Variants in MEGF9 observed in about 807,000 individuals in gnomAD.
The protein encoded by MEGF9 is multiple EGF like domains 9, also known as multiple epidermal growth factor-like domains protein 9.
MEGF9 carries 6 observed loss-of-function variants against 46.8 expected under a neutral mutation model. That is an observed-to-expected ratio of 0.13 (90% CI 0.07 to 0.25). The LOEUF (loss-of-function observed/expected upper bound fraction) is 0.25. Ranked by LOEUF, MEGF9 falls within the 10% of genes least tolerant of loss-of-function variation. The pLI is 1.00. For synonymous variants in MEGF9, 302 were observed against 330.7 expected, an observed-to-expected ratio of 0.91 and a Z score of 0.94; for missense variants, 683 against 792.4, an observed-to-expected ratio of 0.86 and a Z score of 1.66.
intron 2 of MEGF9, among the ~76,000 whole-genome samples, chr9:120,644,573 G>A (rs926937305): frequency 9.9e-5 from 15 of 152,208 alleles, no homozygotes; most frequent in Non-Finnish European, 2.9e-5. Context: ...AGGATAGTCA[G>A]ACAGATATTA....
At chr9:120,649,236 A>G (rs1389777731) in intron 2 of MEGF9, among the ~76,000 whole-genome samples, 1 of 152,216 alleles carries the variant, frequency 6.6e-6, no homozygotes, top group Non-Finnish European at 1.5e-5. Context: ...TGTGGAACTC[A>G]CAGATAAGGA....
chr9:120,634,432 T>C (rs1425451194), intron 2 of MEGF9, among the ~76,000 whole-genome samples: 2 of 147,642 alleles, frequency 1.4e-5, no homozygotes, highest in South Asian at 4.3e-4. Flanking sequence ...TTGGTTTCCA[T>C]ATGTGTGGAA....
rs560243475 is a variant in MEGF9 at position 120,705,918 on chromosome 9, T to TA, written c.601+7839dup. Among the ~76,000 whole-genome samples, 79 of 151,232 alleles carry TA rather than the reference T, an allele frequency of 5.2e-4. No homozygotes were observed. The East Asian group carries it at 0.01, about 20-fold the overall frequency. The stretch of plus-strand genomic sequence containing the variant: ...CTAATAAGGATTTTTATATCACACC[T>TA]AAAAAAAACCACACAAAAATCAAGA... On this transcript the variant is annotated intron_variant, in intron 1 of 5. Coordinates refer to ENST00000373930, the MANE Select transcript of MEGF9 (RefSeq NM_001080497.3).
intron 1 of MEGF9, among the ~76,000 whole-genome samples, chr9:120,675,874 C>T (rs150424864): frequency 0.027 from 3,027 of 110,480 alleles, 128 homozygotes; most frequent in African/African-American, 0.098. Context: ...GCCGACAGAG[C>T]GAGACTCCAT....
At chr9:120,652,816 CTTA>C (rs2043659621) in intron 2 of MEGF9, among the ~76,000 whole-genome samples, 2 of 152,038 alleles carry the variant, frequency 1.3e-5, no homozygotes, top group Admixed American at 6.6e-5. Flanking sequence ...CTATAGTCAC[CTTA>C]TTGTGTTACC....
chr9:120,624,402 A>AT (rs1488369849), intron 2 of MEGF9, among the ~76,000 whole-genome samples: 1 of 151,860 alleles, frequency 6.6e-6, no homozygotes, highest in Non-Finnish European at 1.5e-5. Context: ...TAATTTTTGT[A>AT]TTTTTTGTGG....
intron 2 of MEGF9, among the ~76,000 whole-genome samples, chr9:120,637,154 G>C (rs1342353098): frequency 6.6e-6 from 1 of 152,172 alleles, no homozygotes; most frequent in Non-Finnish European, 1.5e-5. Flanking sequence ...AACATGTGCT[G>C]TGTCAACTCA....
intron 1 of MEGF9, among the ~76,000 whole-genome samples, chr9:120,664,182 A>G (rs906718862): frequency 1.3e-5 from 2 of 151,996 alleles, no homozygotes; most frequent in Non-Finnish European, 2.9e-5. Context: ...CATACTGAAG[A>G]CCTTTTCTAG....
At chr9:120,675,034 A>G (rs1229368143) in intron 1 of MEGF9, among the ~76,000 whole-genome samples, 3 of 152,120 alleles carry the variant, frequency 2.0e-5, no homozygotes, top group East Asian at 3.9e-4. Context: ...ACCAGCCATC[A>G]TGTCTGGCTA....
rs776430532 is a variant in MEGF9 at position 120,659,591 on chromosome 9, G to A, written c.602-16C>T. On this transcript the variant is annotated splice_polypyrimidine_tract_variant and intron_variant, in intron 1 of 5. Transcript: ENST00000373930. Reference sequence around the variant, plus strand: ...CATACATACTCTGCAAAGGAAAGAAGGAAAGAGACATTACCAACTAAGATT... The same window carrying A: ...CATACATACTCTGCAAAGGAAAGAAAGAAAGAGACATTACCAACTAAGATT... The A allele has an allele frequency of 5.2e-5, 81 of 1,569,018 alleles. No homozygotes were observed. The highest frequency in any genetic ancestry group is 1.4e-5 in the African/African-American group (1 of 73,344).
At position 120,714,004 on chromosome 9, in the gene MEGF9, G is replaced by C; in HGVS notation, c.355C>G (p.Pro119Ala). 1 of 1,385,410 alleles carries C rather than the reference G, an allele frequency of 7.2e-7. No individual in the cohort carries two copies. The highest frequency in any genetic ancestry group is 9.4e-7 in the Non-Finnish European group (1 of 1,064,818). The allele number at this position is 1,385,410 out of a possible 1,614,324, so 85.8% of individuals were successfully genotyped here. The change falls in exon 1 of 6, where the codon CCG becomes GCG. Residue 119 changes from proline (P) to alanine (A), a missense_variant. Physicochemically the swap from Pro to Ala is conservative, Grantham distance 27 (BLOSUM62 -1). Transcript: ENST00000373930. ...AGPSSTTFQAPLGPSPTTPPA... is the reference protein window; with the variant it reads ...AGPSSTTFQAALGPSPTTPPA... ...GGGGTGGTCGGCGAGGGGCCGAGCGGCGCCTGAAAGGTGGTGGAAGAGGGT... is the reference window on the plus strand; with the variant it reads ...GGGGTGGTCGGCGAGGGGCCGAGCGCCGCCTGAAAGGTGGTGGAAGAGGGT...
chr9:120,656,878 T>C (rs993403426), intron 2 of MEGF9, among the ~76,000 whole-genome samples: 2 of 151,608 alleles, frequency 1.3e-5, no homozygotes, highest in Admixed American at 6.6e-5. Flanking sequence ...AGCCCAGGAG[T>C]TCAAGACCAG....
intron 5 of MEGF9, among the ~76,000 whole-genome samples, chr9:120,606,954 G>T (rs1253635693): frequency 6.6e-6 from 1 of 152,124 alleles, no homozygotes; most frequent in Non-Finnish European, 1.5e-5. Context: ...ATAGGTAAGA[G>T]AACTGAGTAG....
At chr9:120,669,905 G>C (rs1587990378) in intron 1 of MEGF9, among the ~76,000 whole-genome samples, 1 of 152,100 alleles carries the variant, frequency 6.6e-6, no homozygotes, top group East Asian at 1.9e-4. Flanking sequence ...GGGAAGATTA[G>C]GAATTAGAGT....
At chr9:120,691,210 GATCA>G (rs1486015449) in intron 1 of MEGF9, among the ~76,000 whole-genome samples, 3 of 151,984 alleles carry the variant, frequency 2.0e-5, no homozygotes, top group Admixed American at 1.3e-4. Context: ...CTCAAAAAAT[GATCA>G]ATCAATCAAT....
At chr9:120,614,685 G>A (rs753079264) in intron 3 of MEGF9, among the ~76,000 whole-genome samples, 7 of 151,880 alleles carry the variant, frequency 4.6e-5, no homozygotes, top group Admixed American at 6.6e-5. Flanking sequence ...CCTGCATTAT[G>A]TGTGAAATCT....
In MEGF9 at chr9:120,605,498, T is replaced by C. The variant is rs1168670638; in HGVS notation, c.1501A>G (p.Ser501Gly). ...TIFSVSTSENSTSALADVSWT... is the reference protein window; with the variant it reads ...TIFSVSTSENGTSALADVSWT... ...GATACATCAGCTAAAGCTGAAGTGC[T>C]GTTTTCAGAAGTGCTTACTGAAAAG... The change falls in exon 6 of 6, where the codon AGC becomes GGC. Residue 501 changes from serine to glycine, a missense_variant. Coordinates refer to ENST00000373930, the MANE Select transcript of MEGF9 (RefSeq NM_001080497.3). The surrounding 1 kb of genome is among the most constrained non-coding windows in gnomAD (Gnocchi z 4.0). 2 of 1,613,922 alleles carry C rather than the reference T, an allele frequency of 1.2e-6. No individual in the cohort carries two copies. Among genetic ancestry groups the C allele is most frequent in the Non-Finnish European group, 1.7e-6 (2 of 1,179,902 alleles).
intron 2 of MEGF9, among the ~76,000 whole-genome samples, chr9:120,625,458 G>A (rs1232777585): frequency 2.0e-5 from 3 of 152,088 alleles, no homozygotes; most frequent in African/African-American, 7.2e-5. Context: ...CCATCCTCTT[G>A]AGCTGAGTGT....
At chr9:120,652,213 T>A (rs1587984836) in intron 2 of MEGF9, among the ~76,000 whole-genome samples, 1 of 110,348 alleles carries the variant, frequency 9.1e-6, no homozygotes, top group African/African-American at 3.5e-5. Flanking sequence ...AGGTCAGGCA[T>A]GGTGGCTCCT....
Sources: allele counts gnomAD v4.1 joint callset (sites outside exome capture counted in the v4.1 genomes callset), GRCh38; gene constraint gnomAD v4.1.1; non-coding constraint Gnocchi (gnomAD v3.1); transcripts MANE v1.5; gene names NCBI Gene and HGNC (gene_info 2026-07-23, HGNC 2026-07-21).